SGCD: variants seen among roughly 807,000 people sequenced by gnomAD.
SGCD encodes sarcoglycan delta.
In SGCD, 18 loss-of-function variants were observed where a neutral mutation model predicts 36.6. The ratio of observed to expected loss-of-function variants is 0.49; its 90% CI spans 0.34 to 0.73. The LOEUF (loss-of-function observed/expected upper bound fraction) is 0.73, where lower values mean the gene tolerates loss of function less well. Among genes scored for constraint, SGCD ranks in the 30% least tolerant of loss-of-function variants. The pLI is 0.01. For missense variants in SGCD, 387 were observed against 346.7 expected (o/e 1.12, Z -0.92); for synonymous variants, 133 against 130.6 (o/e 1.02, Z -0.12).
At chr5:155,833,411 T>G in the SGCD span, among the ~76,000 whole-genome samples, 1 of 152,214 alleles carries the variant, frequency 6.6e-6, no homozygotes, top group Admixed American at 6.5e-5. Flanking sequence ...TCCCTTTTAT[T>G]TGCAAATTGG....
chr5:156,123,580 C>A (rs1244284121), intron 2 of SGCD, among the ~76,000 whole-genome samples: 1 of 152,122 alleles, frequency 6.6e-6, no homozygotes, highest in African/African-American at 2.4e-5. Context: ...CTTTTGCTCT[C>A]CCATCCTCAG....
intron 2 of SGCD, among the ~76,000 whole-genome samples, chr5:156,337,291 T>C (rs1768404765): frequency 1.3e-5 from 2 of 152,216 alleles, no homozygotes; most frequent in Admixed American, 1.3e-4. Context: ...TAATTCATGT[T>C]TACTTTTAAA....
chr5:156,753,017 T>G (rs1249375180), intron 7 of SGCD, among the ~76,000 whole-genome samples: 1 of 152,134 alleles, frequency 6.6e-6, no homozygotes, highest in African/African-American at 2.4e-5. Context: ...ACCCTTGGAC[T>G]AGAGCCGTGC....
chr5:156,298,606 G>A (rs1290323044), intron 3 of SGCD, among the ~76,000 whole-genome samples: 1 of 124,116 alleles, frequency 8.1e-6, no homozygotes, highest in African/African-American at 3.3e-5. Flanking sequence ...TGGAGACAGA[G>A]TTTGCTCTTG....
the SGCD span, among the ~76,000 whole-genome samples, chr5:155,864,754 G>A: frequency 1.3e-5 from 2 of 151,982 alleles, no homozygotes; most frequent in East Asian, 1.9e-4. Flanking sequence ...AACAACATTT[G>A]CATGTGTGCG....
chr5:155,873,963 C>A (rs1425860189), intron 1 of SGCD, among the ~76,000 whole-genome samples: 3 of 152,006 alleles, frequency 2.0e-5, no homozygotes, highest in Admixed American at 1.3e-4. Flanking sequence ...TTTTATATAG[C>A]CCTGACACAC....
At chr5:156,195,235 GAGA>G (rs1269863604) in intron 3 of SGCD, among the ~76,000 whole-genome samples, 1 of 152,186 alleles carries the variant, frequency 6.6e-6, no homozygotes, top group Admixed American at 6.5e-5. Flanking sequence ...TGTTCAAAGA[GAGA>G]AGACTATTTA....
At chr5:155,940,340 G>C (rs989489886) in intron 1 of SGCD, among the ~76,000 whole-genome samples, 1 of 152,002 alleles carries the variant, frequency 6.6e-6, no homozygotes, top group African/African-American at 2.4e-5. Flanking sequence ...TCTAAATTAT[G>C]GTTGTTTGGA....
At chr5:156,393,486 T>A (rs1771688722) in intron 3 of SGCD, among the ~76,000 whole-genome samples, 1 of 152,260 alleles carries the variant, frequency 6.6e-6, no homozygotes, top group Non-Finnish European at 1.5e-5. Flanking sequence ...CATTTCTTCC[T>A]ACATTTATGG....
intron 6 of SGCD, among the ~76,000 whole-genome samples, chr5:156,636,515 G>C (rs913492162): frequency 6.6e-6 from 1 of 152,156 alleles, no homozygotes; most frequent in Non-Finnish European, 1.5e-5. Context: ...CATAAGTTAG[G>C]TATTATGGAA....
chr5:155,833,147 T>G, the SGCD span, among the ~76,000 whole-genome samples: 1 of 151,742 alleles, frequency 6.6e-6, no homozygotes, highest in Non-Finnish European at 1.5e-5. Flanking sequence ...GGAGAATCAC[T>G]TGAACCTGGG....
intron 4 of SGCD, among the ~76,000 whole-genome samples, chr5:156,562,036 T>C (rs1171947296): frequency 6.6e-6 from 1 of 152,212 alleles, no homozygotes; most frequent in Non-Finnish European, 1.5e-5. Context: ...TATATTCTTT[T>C]ATTAAACAAA....
At chr5:156,425,454 C>T (rs1419255050) in intron 3 of SGCD, among the ~76,000 whole-genome samples, 1 of 152,050 alleles carries the variant, frequency 6.6e-6, no homozygotes, top group Non-Finnish European at 1.5e-5. Flanking sequence ...CTTTTAGAAG[C>T]AGCTTCTTGG....
At chr5:156,181,497 A>C (rs79418060) in intron 3 of SGCD, among the ~76,000 whole-genome samples, 2,182 of 152,286 alleles carry the variant, frequency 0.014, 25 homozygotes, top group Non-Finnish European at 0.024. Flanking sequence ...ATTACAATAG[A>C]ATGAAGGGTA....
At chr5:156,490,357 A>G (rs2127848601) in intron 3 of SGCD, among the ~76,000 whole-genome samples, 1 of 152,228 alleles carries the variant, frequency 6.6e-6, no homozygotes, top group South Asian at 2.1e-4. Flanking sequence ...TCATTTTATG[A>G]GGGCAGCATT....
At chr5:156,188,794 G>A (rs1219297931) in intron 3 of SGCD, among the ~76,000 whole-genome samples, 2 of 151,634 alleles carry the variant, frequency 1.3e-5, no homozygotes, top group African/African-American at 4.8e-5. Context: ...TTCTAAGACC[G>A]AGAGCGTAAC....
chr5:156,571,193 G>A (rs996824468), intron 4 of SGCD, among the ~76,000 whole-genome samples: 3 of 151,992 alleles, frequency 2.0e-5, no homozygotes, highest in East Asian at 3.9e-4. Context: ...TTACAGGTGT[G>A]TGCTATCGCA....
intron 1 of SGCD, among the ~76,000 whole-genome samples, chr5:155,939,189 A>G (rs1482818310): frequency 6.6e-6 from 1 of 152,232 alleles, no homozygotes; most frequent in African/African-American, 2.4e-5. Flanking sequence ...GAAAATTGCT[A>G]AGAGAATAGG....
chr5:156,128,881 A>G (rs1244898828), intron 3 of SGCD, among the ~76,000 whole-genome samples: 1 of 152,228 alleles, frequency 6.6e-6, no homozygotes, highest in Non-Finnish European at 1.5e-5. Flanking sequence ...ATACTATTCA[A>G]CAATAAAAAG....
Sources: allele counts gnomAD v4.1 joint callset (sites outside exome capture counted in the v4.1 genomes callset), GRCh38; gene constraint gnomAD v4.1.1; transcripts MANE v1.5; gene names NCBI Gene and HGNC (gene_info 2026-07-23, HGNC 2026-07-21).